Variants in OR10K2 observed in about 807,000 individuals in gnomAD.
The protein encoded by OR10K2 is olfactory receptor 10K2.
For synonymous variants in OR10K2, 169 were observed against 146.4 expected (o/e 1.15, Z -1.11); for missense variants, 401 against 367.1 (o/e 1.09, Z -0.76).
rs777978469 is a variant in OR10K2, at chr1:158,419,956, AT to A, written c.910del (p.Ile304LeufsTer2). On this transcript the variant is annotated frameshift_variant, in exon 2 of 2. Coordinates refer to ENST00000641042, the MANE Select transcript of OR10K2 (RefSeq NM_001004476.2). LOFTEE classifies it high-confidence loss of function. ...CAACAGGGAAATTGTTCTTCTCACA[AT>A]TTTACAAAGAGCTGATTTGAACTCT... Reference protein sequence around the residue: ...NKEFKSALCKIVRRTISLL With the variant: ...NKEFKSALCKXVRRTISLL 13 of 1,611,106 alleles carry A rather than the reference AT, an allele frequency of 8.1e-6. No individual in the cohort carries two copies. The highest frequency in any genetic ancestry group is 1.1e-5 in the Non-Finnish European group (13 of 1,178,678).
rs1180008493 is a variant in OR10K2 at position 158,420,370 on chromosome 1, A to C, written c.497T>G (p.Leu166Arg). ...AQIITSLVFHLPFYSSNQLHH... is the reference protein window; with the variant it reads ...AQIITSLVFHRPFYSSNQLHH... ...TAGTTGATTGGAGGAATAAAAAGGC[A>C]GGTGAAATACCAAGGATGTGATGAT... The change falls in exon 2 of 2, where the codon CTG (leucine) becomes CGG (arginine). Residue 166 changes from leucine to arginine, a missense_variant. Coordinates refer to ENST00000641042, the MANE Select transcript of OR10K2 (RefSeq NM_001004476.2). The C allele has an allele frequency of 6.2e-7, 1 of 1,613,818 alleles. No homozygotes were observed. The highest frequency in any genetic ancestry group is 8.5e-7 in the Non-Finnish European group (1 of 1,179,946).
intron 1 of OR10K2, among the ~76,000 whole-genome samples, chr1:158,421,591 A>G (rs552422244): frequency 3.3e-5 from 5 of 152,234 alleles, no homozygotes; most frequent in East Asian, 1.9e-4. Flanking sequence ...GAGGACCACA[A>G]TCTTTCTTCA....
Position 158,419,900 on chromosome 1 carries a change from C to T in OR10K2, c.*28G>A, listed in dbSNP as rs2101646361. The T allele has an allele frequency of 1.9e-6, 3 of 1,580,976 alleles. No homozygotes were observed. The highest frequency in any genetic ancestry group is 2.2e-5 in the East Asian group (1 of 44,534). On this transcript the variant is annotated 3_prime_UTR_variant, in exon 2 of 2. Transcript: ENST00000641042. The stretch of plus-strand genomic sequence containing the variant: ...ATGCTGGGATTACAGTCGTGAGAAA[C>T]TGCACCTGGCCAGAATCAAGATTAA...
chr1:158,420,936 A>C lies in OR10K2; in HGVS notation c.-61-9T>G. On this transcript the variant is annotated splice_polypyrimidine_tract_variant and intron_variant, in intron 1 of 1. Coordinates refer to ENST00000641042, the MANE Select transcript of OR10K2 (RefSeq NM_001004476.2). Reference sequence around the variant, plus strand: ...AGCACCAAAAGAAATCCCTGAAAATAAGTAGATTCACAGAAAATTGATCAT... The same window carrying C: ...AGCACCAAAAGAAATCCCTGAAAATCAGTAGATTCACAGAAAATTGATCAT... The C allele has an allele frequency of 1.4e-6, 2 of 1,387,742 alleles. No individual in the cohort carries two copies. The highest frequency in any genetic ancestry group is 2.4e-5 in the Admixed American group (1 of 41,774). The allele number at this position is 1,387,742 out of a possible 1,614,324, so 86.0% of individuals were successfully genotyped here. A position where few individuals can be genotyped will look rare whatever the true frequency, so the allele number is the denominator to read the frequency against.
At chr1:158,423,195 C>T (rs1363564907) in intron 1 of OR10K2, among the ~76,000 whole-genome samples, 2 of 150,908 alleles carry the variant, frequency 1.3e-5, no homozygotes, top group Non-Finnish European at 3.0e-5. Context: ...CCTCCTCCTC[C>T]TCTATCTTAT....
rs35350080 is a variant in OR10K2, at chr1:158,419,611, ATTTT to A, written c.*313_*316del. 9 of 124,462 alleles carry A rather than the reference ATTTT, an allele frequency of 7.2e-5. No homozygotes were observed. The South Asian group carries it at 9.4e-4, about 13-fold the overall frequency. 7.7% of individuals were successfully genotyped at this position (124,462 alleles called of 1,614,324 possible). A position where few individuals can be genotyped will look rare whatever the true frequency, so the allele number is the denominator to read the frequency against. On this transcript the variant is annotated 3_prime_UTR_variant, in exon 2 of 2. Transcript: ENST00000641042. The stretch of plus-strand genomic sequence containing the variant: ...ACGGTTTGGAAAGAGCAGAATCAAG[ATTTT>A]TTTTTTTTTTTTTTTTTGAGACAGA...
chr1:158,420,854 T>C lies in OR10K2; in HGVS notation c.13A>G (p.Asn5Asp). 1 of 1,613,192 alleles carries C rather than the reference T, an allele frequency of 6.2e-7. No individual in the cohort carries two copies. ...ATGACCTCTCTCACCACAGTCTCAT[T>C]GACCCGCTCCATGGAGCATACATCA... MERVNETVVREVIFL... is the reference protein window; with the variant it reads MERVDETVVREVIFL... The change falls in exon 2 of 2, where the codon AAT (asparagine) becomes GAT (aspartate). Residue 5 changes from asparagine (N) to aspartate (D), a missense_variant. By Grantham distance (23) the Asn-to-Asp change is conservative. Transcript: ENST00000641042.
At chr1:158,422,077 T>G (rs1229958508) in intron 1 of OR10K2, among the ~76,000 whole-genome samples, 3 of 152,120 alleles carry the variant, frequency 2.0e-5, no homozygotes, top group South Asian at 2.1e-4. Flanking sequence ...TTGCCAAAAT[T>G]ATGTGATATT....
In OR10K2 at chr1:158,420,104, C is replaced by T. The variant is rs147632638; in HGVS notation, c.763G>A (p.Ala255Thr). The change falls in exon 2 of 2, where the codon GCC becomes ACC. Residue 255 changes from alanine to threonine, a missense_variant. Coordinates refer to ENST00000641042, the MANE Select transcript of OR10K2 (RefSeq NM_001004476.2). ...TGAGGCCTTAAGTAGATAAAGGAGG[C>T]ACAGCCATAGTGGACAGTGACAATA... The part of the protein sequence containing the change: ...LIIVTVHYGC[A>T]SFIYLRPQSN... The T allele has an allele frequency of 6.8e-6, 11 of 1,613,506 alleles. No homozygotes were observed. The highest frequency in any genetic ancestry group is 9.3e-6 in the Non-Finnish European group (11 of 1,179,846).
Position 158,418,925 on chromosome 1 carries a change from T to C in OR10K2, c.*1003A>G, listed in dbSNP as rs1655089574. On this transcript the variant is annotated 3_prime_UTR_variant, in exon 2 of 2. Transcript: ENST00000641042. Reference sequence around the variant, plus strand: ...TCCACTTGGTGAATATTTAGTGAAATTGACTTAATCTTTAGCTTGCCTTGC... The same window carrying C: ...TCCACTTGGTGAATATTTAGTGAAACTGACTTAATCTTTAGCTTGCCTTGC... 6.6e-6 allele frequency: 1 copy of C among 152,120 alleles called. No individual in the cohort carries two copies. Among genetic ancestry groups the C allele is most frequent in the South Asian group, 2.1e-4 (1 of 4,832 alleles). 9.4% of individuals were successfully genotyped at this position (152,120 alleles called of 1,614,324 possible).
chr1:158,424,246 CA>C (rs1233638186), intron 1 of OR10K2, among the ~76,000 whole-genome samples: 1 of 151,986 alleles, frequency 6.6e-6, no homozygotes, highest in Non-Finnish European at 1.5e-5. Context: ...TGTAAGTTTA[CA>C]AAGGCCCATG....
intron 1 of OR10K2, among the ~76,000 whole-genome samples, chr1:158,425,190 T>C (rs375242938): frequency 2.0e-5 from 3 of 152,198 alleles, no homozygotes; most frequent in African/African-American, 7.2e-5. Flanking sequence ...GTAGTTCTTG[T>C]CTCTTACTCA....
Position 158,419,814 on chromosome 1 carries a change from G to A in OR10K2, c.*114C>T, listed in dbSNP as rs1353903238. 11 of 778,586 alleles carry A rather than the reference G, an allele frequency of 1.4e-5. No homozygotes were observed. The highest frequency in any genetic ancestry group is 5.7e-5 in the Admixed American group (2 of 35,162). 48.2% of individuals were successfully genotyped at this position (778,586 alleles called of 1,614,324 possible). On this transcript the variant is annotated 3_prime_UTR_variant, in exon 2 of 2. Transcript: ENST00000641042. ...TTTGGTAGAGATAGGATTTCACTATGTTGGCCAGGCTGGTCTTGAAGTCCT... is the reference window on the plus strand; with the variant it reads ...TTTGGTAGAGATAGGATTTCACTATATTGGCCAGGCTGGTCTTGAAGTCCT...
rs1295835218 is a variant in OR10K2 at position 158,423,237 on chromosome 1, T to TTTTTTGC, written c.-61-2317_-61-2311dup. On this transcript the variant is annotated intron_variant, in intron 1 of 1. Transcript: ENST00000641042. ...GGTTCTTCGCCCAATATTTTTTTTT[T>TTTTTTGC]TTTTTGCCTAGGTGGTTGGCATATT... 4.0e-5 allele frequency among the ~76,000 whole-genome samples: 6 copies of TTTTTTGC among 151,538 alleles called. No homozygotes were observed. The East Asian group carries it at 9.7e-4, about 25-fold the overall frequency.
chr1:158,421,077 A>C, intron 1 of OR10K2, 150 bp from the exon 2 acceptor site: 2 of 599,386 alleles, frequency 3.3e-6, no homozygotes, highest in Non-Finnish European at 2.9e-6. Flanking sequence ...GAGTCTCCAT[A>C]GTAGTTCTAA....
Position 158,420,289 on chromosome 1 carries a change from T to C in OR10K2, c.578A>G (p.His193Arg). The C allele has an allele frequency of 1.9e-6, 3 of 1,613,518 alleles. No homozygotes were observed. The highest frequency in any genetic ancestry group is 2.5e-6 in the Non-Finnish European group (3 of 1,179,812). ...PVLKLASHHN[H>R]FSQIVIFMLC... ...CATGAAGATGACAATCTGACTAAAG[T>C]GGTTATGGTGAGATGCCAGCTTGAG... is the stretch of plus-strand genomic sequence containing the variant. The change falls in exon 2 of 2, where the codon CAC becomes CGC. Residue 193 changes from histidine (H) to arginine (R), a missense_variant. Transcript: ENST00000641042.
Position 158,425,926 on chromosome 1 carries a change from C to T in OR10K2, c.-62+7G>A, listed in dbSNP as rs1349868069. ...CTTGCATGGGCTCATCACCCTTCTTCTCTTACCTGAAATGTGAAAACATAA... is the reference window on the plus strand; with the variant it reads ...CTTGCATGGGCTCATCACCCTTCTTTTCTTACCTGAAATGTGAAAACATAA... On this transcript the variant is annotated splice_region_variant and intron_variant, in intron 1 of 1. Transcript: ENST00000641042. 1 of 152,070 alleles carries T rather than the reference C, an allele frequency of 6.6e-6. No individual in the cohort carries two copies. Among genetic ancestry groups the T allele is most frequent in the South Asian group, 2.1e-4 (1 of 4,830 alleles). The allele number at this position is 152,070 out of a possible 1,614,324, so 9.4% of individuals were successfully genotyped here.
At chr1:158,425,065 T>C (rs1171779279) in intron 1 of OR10K2, among the ~76,000 whole-genome samples, 1 of 152,106 alleles carries the variant, frequency 6.6e-6, no homozygotes, top group Non-Finnish European at 1.5e-5. Flanking sequence ...AGAGCACTGC[T>C]AGTTTTGAGA....
chr1:158,421,672 A>G (rs899442531), intron 1 of OR10K2, among the ~76,000 whole-genome samples: 1 of 151,938 alleles, frequency 6.6e-6, no homozygotes, highest in Non-Finnish European at 1.5e-5. Flanking sequence ...TCCCATGGCC[A>G]CTCTTACATC....
Sources: allele counts gnomAD v4.1 joint callset (sites outside exome capture counted in the v4.1 genomes callset), GRCh38; gene constraint gnomAD v4.1.1; transcripts MANE v1.5; gene names NCBI Gene and HGNC (gene_info 2026-07-23, HGNC 2026-07-21).